XKR3: variants seen among roughly 807,000 people sequenced by gnomAD.
XKR3 encodes XK related 3, also known as XK-related protein 3.
Under a neutral mutation model 40.3 loss-of-function variants are expected in XKR3, and 27 were observed. That is an observed-to-expected ratio of 0.67 (90% CI 0.49 to 0.92). The LOEUF (loss-of-function observed/expected upper bound fraction) is 0.92. Among genes scored for constraint, XKR3 ranks in the 40% least tolerant of loss-of-function variants. The pLI is 0.00. For missense variants in XKR3, 472 were observed against 537.6 expected (o/e 0.88, Z 1.21); for synonymous variants, 193 against 195.4 (o/e 0.99, Z 0.10).
intron 2 of XKR3, among the ~76,000 whole-genome samples, chr22:16,806,152 G>C (rs2060188343): frequency 6.6e-6 from 1 of 151,876 alleles, no homozygotes; most frequent in African/African-American, 2.4e-5. Flanking sequence ...CCAGCTACTT[G>C]GAAGGCTGAG....
At chr22:16,797,926 C>CA (rs2060149404) in intron 3 of XKR3, among the ~76,000 whole-genome samples, 1 of 151,882 alleles carries the variant, frequency 6.6e-6, no homozygotes, top group Non-Finnish European at 1.5e-5. Context: ...ATAATCCCAG[C>CA]ACTTTGGGAG....
intron 3 of XKR3, among the ~76,000 whole-genome samples, chr22:16,797,316 A>C (rs2060145482): frequency 6.6e-6 from 1 of 152,210 alleles, no homozygotes; most frequent in Admixed American, 6.5e-5. Flanking sequence ...ACAAAAATAG[A>C]AAATTGGGAC....
At chr22:16,819,079 A>G (rs1338324632) in intron 1 of XKR3, among the ~76,000 whole-genome samples, 6 of 152,058 alleles carry the variant, frequency 3.9e-5, no homozygotes, top group African/African-American at 7.2e-5. Context: ...ATATACATTA[A>G]AAAAAAACAG....
rs2060128135 is a variant in XKR3 at position 16,793,294 on chromosome 22, G to C, written c.589+6477C>G. Among the ~76,000 whole-genome samples, 6 of 152,356 alleles carry C rather than the reference G, an allele frequency of 3.9e-5. No homozygotes were observed. In the South Asian group the frequency reaches 1.2e-3, roughly 32 times the overall value. ...CCCAAAGGGCTGGGATTACAGGCGT[G>C]AGCCACTGCCCCTGGCCCTCGTGAC... On this transcript the variant is annotated intron_variant, in intron 3 of 3. Coordinates refer to ENST00000684488, the MANE Select transcript of XKR3 (RefSeq NM_001386955.1).
At chr22:16,799,748 C>T in intron 3 of XKR3, 23 bp downstream of exon 3, 1 of 1,611,446 alleles carries the variant, frequency 6.2e-7, no homozygotes, top group Non-Finnish European at 8.5e-7. Context: ...GTGTGTCTTT[C>T]AGCATCAAGT....
chr22:16,819,650 C>A (rs1453859079), intron 1 of XKR3, among the ~76,000 whole-genome samples: 4 of 152,092 alleles, frequency 2.6e-5, no homozygotes, highest in Non-Finnish European at 5.9e-5. Flanking sequence ...AATTCTAACA[C>A]TTTTTAGGAA....
chr22:16,793,008 T>C (rs1644589095), intron 3 of XKR3, among the ~76,000 whole-genome samples: 1 of 152,202 alleles, frequency 6.6e-6, no homozygotes, highest in South Asian at 2.1e-4. Context: ...TTTTATTTTT[T>C]ATTTTATTTT....
At chr22:16,786,721 C>T (rs1239904453) in intron 3 of XKR3, among the ~76,000 whole-genome samples, 3 of 152,174 alleles carry the variant, frequency 2.0e-5, no homozygotes, top group Non-Finnish European at 4.4e-5. Context: ...ACTTAAAGAC[C>T]TTAATTTCCT....
Position 16,798,193 on chromosome 22 carries a change from AC to A in XKR3, c.589+1577del, listed in dbSNP as rs772608347. Among the ~76,000 whole-genome samples, 1,416 of 144,922 alleles carry A rather than the reference AC, an allele frequency of 9.8e-3. 29 individuals are homozygous for A. The highest frequency in any genetic ancestry group is 0.022 in the African/African-American group (876 of 38,938). ...GAAACTCCATCTCAAAAAAAAAAAA[AC>A]AACAACAACAAAAACCCCCACAATT... On this transcript the variant is annotated intron_variant, in intron 3 of 3. Coordinates refer to ENST00000684488, the MANE Select transcript of XKR3 (RefSeq NM_001386955.1).
intron 1 of XKR3, among the ~76,000 whole-genome samples, chr22:16,822,401 T>C (rs1433393166): frequency 6.7e-6 from 1 of 150,184 alleles, no homozygotes; most frequent in African/African-American, 2.5e-5. Flanking sequence ...AATAAATAAA[T>C]AATAGAAAAG....
chr22:16,793,023 AT>A (rs1363170791), intron 3 of XKR3, among the ~76,000 whole-genome samples: 2 of 151,588 alleles, frequency 1.3e-5, no homozygotes, highest in Admixed American at 6.6e-5. Flanking sequence ...TATTTTATTT[AT>A]TTTTTGAGGC....
At chr22:16,810,234 G>A (rs1347463173) in intron 1 of XKR3, among the ~76,000 whole-genome samples, 1 of 152,006 alleles carries the variant, frequency 6.6e-6, no homozygotes, top group African/African-American at 2.4e-5. Flanking sequence ...GTACATATTC[G>A]AGTTTAATAG....
intron 1 of XKR3, among the ~76,000 whole-genome samples, chr22:16,814,564 G>C (rs187094402): frequency 1.3e-5 from 2 of 151,920 alleles, no homozygotes; most frequent in Admixed American, 1.3e-4. Context: ...TCAATTTTGC[G>C]GTGTTGTCAC....
At chr22:16,805,193 C>T (rs773694451) in intron 2 of XKR3, among the ~76,000 whole-genome samples, 1 of 151,980 alleles carries the variant, frequency 6.6e-6, no homozygotes, top group Admixed American at 6.5e-5. Flanking sequence ...CTGGAGGAAT[C>T]CACACAAAAA....
chr22:16,802,610 C>T (rs2060174009), intron 2 of XKR3, among the ~76,000 whole-genome samples: 1 of 152,080 alleles, frequency 6.6e-6, no homozygotes, highest in South Asian at 2.1e-4. Context: ...CTGCCTCAGC[C>T]TCCCAAGTAT....
chr22:16,797,740 C>A (rs2146153400), intron 3 of XKR3, among the ~76,000 whole-genome samples: 1 of 150,566 alleles, frequency 6.6e-6, no homozygotes, highest in South Asian at 2.1e-4. Context: ...TTGCAGTGAG[C>A]CGAGATTGCA....
Position 16,784,073 on chromosome 22 carries a change from A to C in XKR3, c.926T>G (p.Leu309Trp). Residue 309 changes from leucine (L) to tryptophan (W), a missense_variant, in exon 4 of 4, where the codon TTG becomes TGG. Leu to Trp is a moderately conservative substitution (Grantham distance 61, BLOSUM62 -2). Coordinates refer to ENST00000684488, the MANE Select transcript of XKR3 (RefSeq NM_001386955.1). The part of the protein sequence containing the change: ...NMVGTVLMLF[L>W]ITLLYAAINF... The stretch of plus-strand genomic sequence containing the variant: ...GATGGCAGCATATAGCAGTGTGATC[A>C]AGAAAAGCATCAGTACTGTACCCAC... 1.2e-6 allele frequency: 2 copies of C among 1,614,218 alleles called. No individual in the cohort carries two copies. Among genetic ancestry groups the C allele is most frequent in the Non-Finnish European group, 1.7e-6 (2 of 1,180,050 alleles).
intron 3 of XKR3, among the ~76,000 whole-genome samples, chr22:16,794,941 C>A (rs2060134399): frequency 6.6e-6 from 1 of 152,170 alleles, no homozygotes; most frequent in Non-Finnish European, 1.5e-5. Flanking sequence ...TGGGTACAAT[C>A]AAACACTGTC....
chr22:16,789,630 A>G (rs1601839544), intron 3 of XKR3, among the ~76,000 whole-genome samples: 1 of 152,228 alleles, frequency 6.6e-6, no homozygotes, highest in Non-Finnish European at 1.5e-5. Context: ...TGCAATCTCT[A>G]TCAAAACACC....
Sources: allele counts gnomAD v4.1 joint callset (sites outside exome capture counted in the v4.1 genomes callset), GRCh38; gene constraint gnomAD v4.1.1; transcripts MANE v1.5; gene names NCBI Gene and HGNC (gene_info 2026-07-23, HGNC 2026-07-21).